CREBBP: variants seen among roughly 807,000 people sequenced by gnomAD.
CREBBP encodes the protein CREB binding lysine acetyltransferase, also known as CREB-binding protein.
A neutral mutation model predicts 265.0 loss-of-function variants in CREBBP; 19 were observed. That is an observed-to-expected ratio of 0.07 (90% CI 0.05 to 0.11). The LOEUF (loss-of-function observed/expected upper bound fraction) is 0.11, where lower values mean the gene tolerates loss of function less well. CREBBP is among the 10% of genes least tolerant of loss of function. The pLI is 1.00. For missense variants in CREBBP, 2,525 were observed against 3,219.0 expected (o/e 0.78, Z 5.22); for synonymous variants, 1,457 against 1,223.7 (o/e 1.19, Z -3.98).
intron 19 of CREBBP, among the ~76,000 whole-genome samples, chr16:3,752,773 TTTAGAG>T (rs1202153768): frequency 1.3e-5 from 2 of 152,250 alleles, no homozygotes; most frequent in Non-Finnish European, 2.9e-5. Context: ...GTTAAGTGAA[TTTAGAG>T]TTAATCTTTA....
In CREBBP at chr16:3,782,765, T is replaced by C; in HGVS notation, c.1492A>G (p.Thr498Ala). 2 of 1,614,112 alleles carry C rather than the reference T, an allele frequency of 1.2e-6. No homozygotes were observed. Among genetic ancestry groups the C allele is most frequent in the Non-Finnish European group, 1.7e-6 (2 of 1,180,020 alleles). ...CCAGGAACCTGAGGCTGCAGCTGCG[T>C]CTGGGGCTGGTTCATGTAGGGGAGT... is the stretch of plus-strand genomic sequence containing the variant. ...LGLPYMNQPQTQLQPQVPGQQ... is the reference protein window; with the variant it reads ...LGLPYMNQPQAQLQPQVPGQQ... Residue 498 changes from threonine (T) to alanine (A), a missense_variant, in exon 6 of 31, where the codon ACG becomes GCG. By Grantham distance (58) the Thr-to-Ala change is moderately conservative. Coordinates refer to ENST00000262367, the MANE Select transcript of CREBBP (RefSeq NM_004380.3).
intron 1 of CREBBP, among the ~76,000 whole-genome samples, chr16:3,877,006 T>A (rs576539628): frequency 3.3e-5 from 5 of 152,282 alleles, no homozygotes; most frequent in Admixed American, 6.5e-5. Context: ...CACATCTAAG[T>A]GACACTGGTG....
Position 3,729,358 on chromosome 16 carries a change from G to A in CREBBP, c.5689C>T (p.Pro1897Ser). The A allele has an allele frequency of 6.2e-7, 1 of 1,604,926 alleles. No individual in the cohort carries two copies. Among genetic ancestry groups the A allele is most frequent in the South Asian group, 1.1e-5 (1 of 90,780 alleles). ...GGCTGCGGCGTCTGGGGTGTGCTGG[G>A]CTGCTGTGTGGGGGTCCCGGGCGGT... ...SAPPGTPTQQ[P>S]STPQTPQPPA... The change falls in exon 31 of 31, where the codon CCC becomes TCC. Residue 1897 changes from proline to serine, a missense_variant. Physicochemically the swap from Pro to Ser is moderately conservative, Grantham distance 74. This residue lies in a region of CREBBP where 275 missense variants were observed against 276.5 expected (regional missense o/e 0.99). Coordinates refer to ENST00000262367, the MANE Select transcript of CREBBP (RefSeq NM_004380.3).
intron 2 of CREBBP, among the ~76,000 whole-genome samples, chr16:3,841,245 C>T (rs1027087234): frequency 1.3e-4 from 19 of 151,924 alleles, no homozygotes; most frequent in Admixed American, 4.6e-4. Flanking sequence ...TAATTTGACT[C>T]GAAGCCAAGA....
At chr16:3,740,141 GTAA>G (rs1344959310) in intron 24 of CREBBP, among the ~76,000 whole-genome samples, 3 of 152,162 alleles carry the variant, frequency 2.0e-5, no homozygotes, top group African/African-American at 7.2e-5. Flanking sequence ...ACAAGAATAA[GTAA>G]TAATAAAATA....
At chr16:3,867,453 C>T (rs1166512299) in intron 1 of CREBBP, among the ~76,000 whole-genome samples, 1 of 152,004 alleles carries the variant, frequency 6.6e-6, no homozygotes, top group Non-Finnish European at 1.5e-5. Flanking sequence ...AATCTCACCA[C>T]TGCACTTCAG....
chr16:3,819,869 A>G (rs1252436148), intron 2 of CREBBP, among the ~76,000 whole-genome samples: 1 of 152,204 alleles, frequency 6.6e-6, no homozygotes, highest in Non-Finnish European at 1.5e-5. Flanking sequence ...ACTCCCACGA[A>G]AAAAGAAATG....
At chr16:3,832,331 C>A (rs139734562) in intron 2 of CREBBP, among the ~76,000 whole-genome samples, 3 of 152,202 alleles carry the variant, frequency 2.0e-5, no homozygotes, top group African/African-American at 7.2e-5. Context: ...CTTCATGAAG[C>A]CAGTATATTA....
chr16:3,747,046 T>A (rs2052358755), intron 21 of CREBBP, among the ~76,000 whole-genome samples: 1 of 152,234 alleles, frequency 6.6e-6, no homozygotes, highest in Admixed American at 6.5e-5. Flanking sequence ...CCAATTATTA[T>A]GGGCCAACTA....
Position 3,757,717 on chromosome 16 carries a change from C to G in CREBBP, c.3609+92G>C, listed in dbSNP as rs1027880724. 1.1e-5 allele frequency: 17 copies of G among 1,549,324 alleles called. No individual in the cohort carries two copies. The African/African-American group carries it at 2.2e-4, about 20-fold the overall frequency. On this transcript the variant is annotated intron_variant, in intron 18 of 30. Coordinates refer to ENST00000262367, the MANE Select transcript of CREBBP (RefSeq NM_004380.3). ...GACAGCAGATTGCACATATGCACTC[C>G]CAGTATACAGGCGTGGTCTCATATT... is the stretch of plus-strand genomic sequence containing the variant.
intron 2 of CREBBP, among the ~76,000 whole-genome samples, chr16:3,812,344 A>G (rs574046310): frequency 8.2e-4 from 125 of 151,702 alleles, no homozygotes; most frequent in Non-Finnish European, 5.9e-4. Flanking sequence ...ACACCCAGCT[A>G]ATTTTTGTAT....
chr16:3,774,197 A>C (rs2053082278), intron 12 of CREBBP, among the ~76,000 whole-genome samples: 1 of 152,220 alleles, frequency 6.6e-6, no homozygotes, highest in Admixed American at 6.5e-5. Context: ...TATAATTTAA[A>C]GTTTAAGACA....
chr16:3,766,622 C>G (rs1423307065), intron 16 of CREBBP, among the ~76,000 whole-genome samples: 1 of 151,960 alleles, frequency 6.6e-6, no homozygotes, highest in Non-Finnish European at 1.5e-5. Flanking sequence ...AACTCCTAGG[C>G]TCAGGCAATC....
At chr16:3,777,241 A>C (rs1327611021) in intron 11 of CREBBP, among the ~76,000 whole-genome samples, 2 of 151,926 alleles carry the variant, frequency 1.3e-5, no homozygotes, top group African/African-American at 4.8e-5. Flanking sequence ...AGGCTGAGGC[A>C]GGAGAATGGT....
Position 3,850,905 on chromosome 16 carries a change from C to T in CREBBP, c.190G>A (p.Ala64Thr), listed in dbSNP as rs754855364. ...LNSGNLVPDA[A>T]SKHKQLSELL... is the part of the protein sequence containing the mutation. The stretch of plus-strand genomic sequence containing the variant: ...TCCGACAGTTGTTTATGTTTGGAAG[C>T]AGCATCTGGAACAAGGTTCCCACTG... Residue 64 changes from alanine (A) to threonine (T), a missense_variant, in exon 2 of 31, where the codon GCT becomes ACT. Transcript: ENST00000262367. The T allele has an allele frequency of 6.2e-7, 1 of 1,614,200 alleles. No homozygotes were observed. The highest frequency in any genetic ancestry group is 8.5e-7 in the Non-Finnish European group (1 of 1,180,042).
chr16:3,769,435 A>C, intron 14 of CREBBP, 82 bp from the exon 15 acceptor site: 1 of 1,523,294 alleles, frequency 6.6e-7, no homozygotes, highest in South Asian at 1.1e-5. Context: ...GCAACCTACA[A>C]TTTCCCATTA....
chr16:3,825,681 T>G (rs554723059), intron 2 of CREBBP, among the ~76,000 whole-genome samples: 1 of 152,204 alleles, frequency 6.6e-6, no homozygotes, highest in African/African-American at 2.4e-5. Context: ...GGGGGAAACC[T>G]AATTTGTGAG....
chr16:3,761,145 G>A (rs1238682474), intron 16 of CREBBP, among the ~76,000 whole-genome samples: 4 of 151,880 alleles, frequency 2.6e-5, no homozygotes, highest in Non-Finnish European at 5.9e-5. Flanking sequence ...GTAGAGACTG[G>A]GTTTCTCCAT....
At chr16:3,780,178 G>C (rs2053239835) in intron 8 of CREBBP, among the ~76,000 whole-genome samples, 1 of 147,836 alleles carries the variant, frequency 6.8e-6, no homozygotes, top group African/African-American at 2.5e-5. Flanking sequence ...GGAGGCGGAG[G>C]TTGCAGTGAG....
Sources: allele counts gnomAD v4.1 joint callset (sites outside exome capture counted in the v4.1 genomes callset), GRCh38; gene constraint gnomAD v4.1.1; regional missense constraint gnomAD v4.1.1; transcripts MANE v1.5; gene names NCBI Gene and HGNC (gene_info 2026-07-23, HGNC 2026-07-21).